The following GRM7 variants were observed in gnomAD, a reference collection of about 807,000 sequenced individuals.
The protein encoded by GRM7 is glutamate metabotropic receptor 7, also known as metabotropic glutamate receptor 7.
A neutral mutation model predicts 84.5 loss-of-function variants in GRM7; 35 were observed. The observed-to-expected ratio is 0.41, with a 90% CI of 0.32 to 0.55. GRM7 has a LOEUF of 0.55. GRM7 is among the 20% of genes least tolerant of loss of function. The pLI is 0.19. For missense variants in GRM7, 1,003 were observed against 1,194.6 expected (o/e 0.84, Z 2.36); for synonymous variants, 487 against 455.1 (o/e 1.07, Z -0.89).
chr3:7,449,807 C>T (rs1440944992), intron 5 of GRM7, among the ~76,000 whole-genome samples: 5 of 152,132 alleles, frequency 3.3e-5, no homozygotes, highest in Admixed American at 2.0e-4. Context: ...TAACAAAATA[C>T]GTTCCAAGTG....
chr3:7,492,529 T>G (rs1014921365), intron 7 of GRM7, among the ~76,000 whole-genome samples: 1 of 152,130 alleles, frequency 6.6e-6, no homozygotes, highest in African/African-American at 2.4e-5. Flanking sequence ...TTACCTATCT[T>G]TTAATGACCG....
intron 9 of GRM7, among the ~76,000 whole-genome samples, chr3:7,692,778 G>T (rs1222410554): frequency 1.3e-5 from 2 of 152,198 alleles, no homozygotes; most frequent in Non-Finnish European, 1.5e-5. Context: ...TCTTTCTAAT[G>T]AATTTTTCTG....
chr3:7,695,310 G>A (rs1700976549), intron 9 of GRM7, among the ~76,000 whole-genome samples: 2 of 152,178 alleles, frequency 1.3e-5, no homozygotes, highest in South Asian at 4.1e-4. Flanking sequence ...TCAATAAGAA[G>A]CTGGGTCAAT....
intron 8 of GRM7, among the ~76,000 whole-genome samples, chr3:7,656,785 C>T (rs558646150): frequency 6.6e-6 from 1 of 152,124 alleles, no homozygotes; most frequent in South Asian, 2.1e-4. Flanking sequence ...AAGAGAGGTT[C>T]TAGAAAAACA....
At chr3:7,120,160 C>T (rs777875111) in intron 1 of GRM7, among the ~76,000 whole-genome samples, 5 of 151,968 alleles carry the variant, frequency 3.3e-5, no homozygotes, top group Non-Finnish European at 5.9e-5. Flanking sequence ...CTGAGTATTA[C>T]AAAAAGCTGG....
chr3:7,591,347 C>G (rs929637814), intron 8 of GRM7: 5 of 261,394 alleles, frequency 1.9e-5, no homozygotes, highest in African/African-American at 6.9e-5. Flanking sequence ...GTCTTCAGAA[C>G]AGTAAAGATG....
chr3:6,883,573 G>T (rs577808291), intron 1 of GRM7, among the ~76,000 whole-genome samples: 28 of 152,242 alleles, frequency 1.8e-4, no homozygotes, highest in African/African-American at 6.3e-4. Context: ...GGCACATAGG[G>T]TGTATAGGAA....
intron 2 of GRM7, among the ~76,000 whole-genome samples, chr3:7,245,627 T>G (rs1224433998): frequency 6.6e-6 from 1 of 151,890 alleles, no homozygotes; most frequent in South Asian, 2.1e-4. Flanking sequence ...CTGTCAAATA[T>G]GAAAGTTGGA....
chr3:7,281,896 C>A (rs1307181256), intron 2 of GRM7, among the ~76,000 whole-genome samples: 1 of 152,162 alleles, frequency 6.6e-6, no homozygotes, highest in Non-Finnish European at 1.5e-5. Flanking sequence ...GCCTGGGCAA[C>A]AGGGTGAAAC....
chr3:7,169,632 A>G (rs1331902525), intron 2 of GRM7, among the ~76,000 whole-genome samples: 2 of 152,224 alleles, frequency 1.3e-5, no homozygotes, highest in African/African-American at 4.8e-5. Context: ...TTCATCTTAC[A>G]TATGCTCCTT....
chr3:7,234,650 T>C (rs1264538178), intron 2 of GRM7, among the ~76,000 whole-genome samples: 1 of 152,170 alleles, frequency 6.6e-6, no homozygotes, highest in Non-Finnish European at 1.5e-5. Context: ...AAGAGTTGCA[T>C]TTTTTCAGAT....
intron 4 of GRM7, among the ~76,000 whole-genome samples, chr3:7,404,174 A>G (rs1018399068): frequency 6.6e-6 from 1 of 152,086 alleles, no homozygotes; most frequent in Non-Finnish European, 1.5e-5. Flanking sequence ...TACTTCCTCT[A>G]TGTCAGGGAT....
intron 1 of GRM7, among the ~76,000 whole-genome samples, chr3:6,872,954 T>G (rs945415859): frequency 1.3e-5 from 2 of 152,166 alleles, no homozygotes; most frequent in Non-Finnish European, 2.9e-5. Context: ...GTAGAATGAT[T>G]TATAATCCTC....
chr3:7,292,756 C>T (rs1377129086), intron 2 of GRM7, among the ~76,000 whole-genome samples: 6 of 150,032 alleles, frequency 4.0e-5, no homozygotes, highest in Admixed American at 6.6e-5. Context: ...TGAGGCTGGA[C>T]GCGGTGGCTC....
chr3:7,528,784 T>C (rs547807010), intron 7 of GRM7, among the ~76,000 whole-genome samples: 117 of 152,270 alleles, frequency 7.7e-4, no homozygotes, highest in African/African-American at 2.7e-3. Context: ...TCAAAATTTA[T>C]TCAGGACAAA....
intron 1 of GRM7, among the ~76,000 whole-genome samples, chr3:7,113,253 A>G (rs1375795605): frequency 1.3e-5 from 2 of 152,168 alleles, no homozygotes; most frequent in Non-Finnish European, 2.9e-5. Context: ...GTTTAATTAT[A>G]GTGACTTTAT....
chr3:7,532,564 A>G (rs985851276), intron 7 of GRM7, among the ~76,000 whole-genome samples: 1 of 152,086 alleles, frequency 6.6e-6, no homozygotes, highest in Admixed American at 6.6e-5. Flanking sequence ...ATCTTTTCAA[A>G]AAACCAGTTC....
At chr3:7,529,138 A>T (rs879389876) in intron 7 of GRM7, among the ~76,000 whole-genome samples, 4 of 152,038 alleles carry the variant, frequency 2.6e-5, no homozygotes, top group Non-Finnish European at 5.9e-5. Flanking sequence ...TTTTGCAAGA[A>T]TCTTTCAAAA....
Position 7,100,622 on chromosome 3 carries a change from C to T in GRM7, c.520-45830C>T, listed in dbSNP as rs139228835. 3.1e-3 allele frequency among the ~76,000 whole-genome samples: 473 copies of T among 151,742 alleles called. 4 individuals carry two copies. The highest frequency in any genetic ancestry group is 0.011 in the African/African-American group (450 of 41,470). On this transcript the variant is annotated intron_variant, in intron 1 of 9. Transcript: ENST00000357716. Reference sequence around the variant, plus strand: ...CAGTTCTGTCATTTATTTGGAAATGCGACTTTTCTTAACTGAAGAAAAATT... The same window carrying T: ...CAGTTCTGTCATTTATTTGGAAATGTGACTTTTCTTAACTGAAGAAAAATT...
Sources: gnomAD v4.1 joint callset for allele counts (sites outside exome capture counted in the v4.1 genomes callset) on GRCh38, gnomAD v4.1.1 for gene constraint, MANE v1.5 for transcripts, NCBI Gene and HGNC (gene_info 2026-07-23, HGNC 2026-07-21) for gene names.